The following USH2A variants were observed in gnomAD, a reference collection of about 807,000 sequenced individuals.
USH2A encodes Usher syndrome 2A (autosomal recessive, mild).
USH2A carries 443 observed loss-of-function variants against 538.9 expected under a neutral mutation model. The observed-to-expected ratio is 0.82, with a 90% CI of 0.76 to 0.89. The LOEUF is 0.89. USH2A is among the 40% of genes least tolerant of loss of function. The probability of loss-of-function intolerance (pLI) is 0.00; values close to 1 mark genes in which losing one functional copy is unlikely to be tolerated. For synonymous variants in USH2A, 2,413 were observed against 2,273.5 expected, an observed-to-expected ratio of 1.06 and a Z score of -1.75; for missense variants, 6,633 against 6,324.8, an observed-to-expected ratio of 1.05 and a Z score of -1.65.
intron 4 of USH2A, among the ~76,000 whole-genome samples, chr1:216,352,456 T>C (rs2038305843): frequency 6.6e-6 from 1 of 151,862 alleles, no homozygotes; most frequent in South Asian, 2.1e-4. Context: ...TGAAGGTGAG[T>C]AGAGATTTGA....
At chr1:216,066,209 G>A (rs1033994340) in intron 30 of USH2A, among the ~76,000 whole-genome samples, 7 of 151,874 alleles carry the variant, frequency 4.6e-5, no homozygotes, top group South Asian at 2.1e-4. Flanking sequence ...TGTGGCTCAC[G>A]CCTGTAATCC....
intron 40 of USH2A, among the ~76,000 whole-genome samples, chr1:215,891,358 C>A (rs1328741126): frequency 1.3e-5 from 2 of 152,184 alleles, no homozygotes; most frequent in Non-Finnish European, 2.9e-5. Flanking sequence ...AAGCTGAAAG[C>A]AGCTTAATTA....
Position 216,207,377 on chromosome 1 carries a change from T to C in USH2A, c.3212A>G (p.Asn1071Ser), listed in dbSNP as rs533927645. Residue 1071 changes from asparagine to serine, a missense_variant, in exon 16 of 72, where the codon AAT becomes AGT. Asn to Ser is a conservative substitution (Grantham distance 46, BLOSUM62 1). Transcript: ENST00000307340. ...AGAATCAGGTGGACTCCAGGAGAGA[T>C]TGATAGCAGAAGAACTTTGAACTTG... ...RGQVQSSSAI[N>S]LSWSPPDSPN... The C allele has an allele frequency of 2.2e-5, 35 of 1,613,940 alleles. No homozygotes were observed. Among genetic ancestry groups the C allele is most frequent in the Admixed American group, 3.3e-5 (2 of 60,004 alleles).
chr1:216,366,334 C>T (rs1264162053), intron 3 of USH2A, among the ~76,000 whole-genome samples: 1 of 151,446 alleles, frequency 6.6e-6, no homozygotes, highest in Non-Finnish European at 1.5e-5. Flanking sequence ...CAGTGTAGGT[C>T]CGGCAATTGT....
chr1:216,322,050 T>C lies in USH2A; in HGVS notation c.1551-74A>G, dbSNP rs572610137. ...GAATATATTTAAGGTCCTAGGACTA[T>C]ATGCATTATGTGAATTTAACAGGGA... On this transcript the variant is annotated intron_variant, in intron 8 of 71. Transcript: ENST00000307340. The C allele has an allele frequency of 1.6e-4, 216 of 1,387,966 alleles. 1 individual carries two copies. Among genetic ancestry groups the C allele is most frequent in the Non-Finnish European group, 2.2e-4 (211 of 974,512 alleles). The allele number at this position is 1,387,966 out of a possible 1,614,324, so 86.0% of individuals were successfully genotyped here.
rs1356119010 is a variant in USH2A at position 216,383,863 on chromosome 1, TTTC to T, written c.652-18781_652-18779del. ...CTAATTTTTTTTCTTTCTTTCTTTC[TTTC>T]TTTTTTTTTTTTTTTGTAGAGATGA... On this transcript the variant is annotated intron_variant, in intron 3 of 71. Coordinates refer to ENST00000307340, the MANE Select transcript of USH2A (RefSeq NM_206933.4). Among the ~76,000 whole-genome samples the T allele has an allele frequency of 1.2e-3, 170 of 141,360 alleles. 1 individual carries two copies. Among genetic ancestry groups the T allele is most frequent in the African/African-American group, 5.0e-3 (164 of 32,756 alleles). The allele number at this position is 141,360 out of a possible 152,430, so 92.7% of individuals were successfully genotyped here.
At chr1:215,838,703 G>A (rs1297780897) in intron 46 of USH2A, among the ~76,000 whole-genome samples, 1 of 152,104 alleles carries the variant, frequency 6.6e-6, no homozygotes, top group Admixed American at 6.6e-5. Flanking sequence ...AAACCGAGGA[G>A]GGTGGAATAA....
intron 32 of USH2A, among the ~76,000 whole-genome samples, chr1:216,019,022 T>C (rs941871591): frequency 3.3e-5 from 5 of 152,186 alleles, no homozygotes; most frequent in Non-Finnish European, 7.3e-5. Flanking sequence ...TTTGTTCTAG[T>C]TTGTCACTTG....
rs1263179301 is a variant in USH2A at position 215,743,416 on chromosome 1, G to GTATA, written c.11390-85_11390-82dup. 44 of 238,558 alleles carry GTATA rather than the reference G, an allele frequency of 1.8e-4. 1 individual carries two copies. Among genetic ancestry groups the GTATA allele is most frequent in the Middle Eastern group, 1.3e-3 (1 of 798 alleles). The allele number at this position is 238,558 out of a possible 1,614,324, so 14.8% of individuals were successfully genotyped here. On this transcript the variant is annotated intron_variant, in intron 58 of 71. Coordinates refer to ENST00000307340, the MANE Select transcript of USH2A (RefSeq NM_206933.4). Reference sequence around the variant, plus strand: ...TGTGTGTGTGTGTGTGTGTGTGTGTGTATATATATATAGACACACATATAT... The same window carrying GTATA: ...TGTGTGTGTGTGTGTGTGTGTGTGTGTATATATATATATATAGACACACATATAT...
At chr1:215,723,289 TCTG>T (rs1429844398) in intron 61 of USH2A, among the ~76,000 whole-genome samples, 1 of 152,150 alleles carries the variant, frequency 6.6e-6, no homozygotes, top group East Asian at 1.9e-4. Flanking sequence ...TCCTGCTGCC[TCTG>T]CTGCTGCTGC....
intron 29 of USH2A, chr1:216,072,469 C>A: frequency 3.7e-6 from 1 of 271,742 alleles, no homozygotes; most frequent in African/African-American, 2.2e-5. Flanking sequence ...CAACCAGTTG[C>A]AGGTTTCAAA....
chr1:215,696,946 T>C (rs1448881615), intron 61 of USH2A, among the ~76,000 whole-genome samples: 1 of 141,314 alleles, frequency 7.1e-6, no homozygotes, highest in African/African-American at 2.9e-5. Context: ...TTACACCCTC[T>C]TTTTTTTTTG....
intron 21 of USH2A, among the ~76,000 whole-genome samples, chr1:216,173,093 T>C (rs1325403114): frequency 1.3e-5 from 2 of 152,144 alleles, no homozygotes; most frequent in African/African-American, 4.8e-5. Context: ...TAGGATAATA[T>C]ATCAGTAAGA....
chr1:215,681,935 G>T (rs1198173865), intron 61 of USH2A, among the ~76,000 whole-genome samples: 3 of 152,076 alleles, frequency 2.0e-5, no homozygotes, highest in African/African-American at 7.2e-5. Context: ...AAATTTTACA[G>T]AAATACTAAT....
intron 32 of USH2A, among the ~76,000 whole-genome samples, chr1:216,037,848 A>C: frequency 6.7e-6 from 1 of 149,196 alleles, no homozygotes; most frequent in Admixed American, 6.7e-5. Context: ...GCTACCCTCC[A>C]CCTCTGAAAA....
At chr1:216,267,789 G>T (rs951648822) in intron 11 of USH2A, among the ~76,000 whole-genome samples, 1 of 151,992 alleles carries the variant, frequency 6.6e-6, no homozygotes, top group African/African-American at 2.4e-5. Context: ...ACTTCCCAGT[G>T]TACCATACAC....
chr1:216,034,071 G>A (rs1462194553), intron 32 of USH2A, among the ~76,000 whole-genome samples: 1 of 152,158 alleles, frequency 6.6e-6, no homozygotes, highest in African/African-American at 2.4e-5. Flanking sequence ...TGAGAAAAAT[G>A]TTCATGGCTT....
At chr1:215,739,945 C>A (rs185521199) in intron 60 of USH2A, among the ~76,000 whole-genome samples, 1 of 152,212 alleles carries the variant, frequency 6.6e-6, no homozygotes, top group Non-Finnish European at 1.5e-5. Context: ...TGAAGAGGTG[C>A]GGGGTATGAG....
At chr1:216,202,724 C>T (rs974247032) in intron 16 of USH2A, among the ~76,000 whole-genome samples, 1 of 152,094 alleles carries the variant, frequency 6.6e-6, no homozygotes, top group African/African-American at 2.4e-5. Context: ...CTGAATATAC[C>T]TTATTTTCTT....
Sources: gnomAD v4.1 joint callset for allele counts (sites outside exome capture counted in the v4.1 genomes callset) on GRCh38, gnomAD v4.1.1 for gene constraint, MANE v1.5 for transcripts, NCBI Gene and HGNC (gene_info 2026-07-23, HGNC 2026-07-21) for gene names.